The following FHIP2B variants were observed in gnomAD, a reference collection of about 807,000 sequenced individuals.
FHIP2B encodes the protein FHF complex subunit HOOK interacting protein 2B, also known as FHF complex subunit HOOK-interacting protein 2B.
A neutral mutation model predicts 84.0 loss-of-function variants in FHIP2B; 72 were observed. The observed-to-expected ratio is 0.86, with a 90% CI of 0.71 to 1.04. FHIP2B has a LOEUF of 1.04. FHIP2B is among the 50% of genes least tolerant of loss of function. The probability of loss-of-function intolerance (pLI) is 0.00; values close to 1 mark genes in which losing one functional copy is unlikely to be tolerated. For missense variants in FHIP2B, 972 were observed against 968.9 expected (o/e 1.00, Z -0.04); for synonymous variants, 497 against 418.7 (o/e 1.19, Z -2.28).
At chr8:22,089,875 G>T (rs1367280111) in intron 1 of FHIP2B, 2 of 1,260,316 alleles carry the variant, frequency 1.6e-6, no homozygotes, top group Admixed American at 4.6e-5. Flanking sequence ...GGGGCAGGCT[G>T]GTGGGCCCCC....
intron 4 of FHIP2B, 43 bp from the exon 5 acceptor site, chr8:22,097,672 CCT>C: frequency 6.2e-7 from 1 of 1,608,022 alleles, no homozygotes; most frequent in Non-Finnish European, 8.5e-7. Flanking sequence ...CCCTCTCTCC[CCT>C]GCCACCCCTC....
At position 22,101,404 on chromosome 8, in the gene FHIP2B, G is replaced by T. The variant is rs1045292674; in HGVS notation, c.1617-36G>T. 2.6e-6 allele frequency: 4 copies of T among 1,531,976 alleles called. No individual in the cohort carries two copies. In the Admixed American group the frequency reaches 5.6e-5, roughly 21 times the overall value. The allele number at this position is 1,531,976 out of a possible 1,614,324, so 94.9% of individuals were successfully genotyped here. ...CCACAAGCAGGGGAGAGCAGGGTGA[G>T]CCGGGAGCGCCTCCACACCGGCTTC... On this transcript the variant is annotated intron_variant, in intron 12 of 16. Transcript: ENST00000289921.
intron 3 of FHIP2B, among the ~76,000 whole-genome samples, chr8:22,097,210 A>G (rs762557701): frequency 1.2e-4 from 19 of 152,014 alleles, no homozygotes; most frequent in Non-Finnish European, 5.9e-5. Context: ...CAGGCCTGTG[A>G]GAACGGGCCC....
chr8:22,102,811 C>A lies in FHIP2B; in HGVS notation c.2112C>A (p.Leu704=). 2 of 1,613,560 alleles carry A rather than the reference C, an allele frequency of 1.2e-6. No homozygotes were observed. The highest frequency in any genetic ancestry group is 2.2e-5 in the South Asian group (2 of 91,086). The change falls in exon 17 of 17, where the codon CTC becomes CTA. Residue 704 remains leucine, a synonymous_variant. Coordinates refer to ENST00000289921, the MANE Select transcript of FHIP2B (RefSeq NM_022749.7). The part of the protein sequence containing the change: ...APGEQLDHQT[L]LQGVVVLEEF... ...CCCTCAGGCTGGACCACCAGACCCT[C>A]CTCCAGGGCGTGGTGGTGCTGGAGG...
At position 22,097,518 on chromosome 8, in the gene FHIP2B, C is replaced by G; in HGVS notation, c.300C>G (p.Tyr100Ter). The change falls in exon 4 of 17, where the codon TAC (tyrosine) becomes TAG (stop). Residue 100 changes from tyrosine to a stop codon, truncating the protein, a stop_gained and splice_region_variant. Transcript: ENST00000289921. LOFTEE classifies it high-confidence loss of function. ...AGGCGCTCTGTCCCTGGCCTCAGTA[C>G]CCCCCAGGCATGCGGCAGCAGGTGT... ...ETLCTLGKAE[Y>*]PPGMRQQVFQ... 1 of 1,602,082 alleles carries G rather than the reference C, an allele frequency of 6.2e-7. No individual in the cohort carries two copies. Among genetic ancestry groups the G allele is most frequent in the East Asian group, 2.3e-5 (1 of 44,252 alleles).
Position 22,100,985 on chromosome 8 carries a change from T to A in FHIP2B, c.1616+13T>A. ...AGATCGTCAACAGGTGGGGAGCAAG[T>A]TAGGCAGTCTGAACCACTTGAGTTT... On this transcript the variant is annotated intron_variant, in intron 12 of 16. Transcript: ENST00000289921. The A allele has an allele frequency of 6.2e-7, 1 of 1,613,238 alleles. No individual in the cohort carries two copies.
At chr8:22,098,894 A>C in intron 7 of FHIP2B, 54 bp from the exon 8 acceptor site, 1 of 1,425,754 alleles carries the variant, frequency 7.0e-7, no homozygotes, top group Non-Finnish European at 9.7e-7. Flanking sequence ...ACATTGAGGA[A>C]GACCTTGAAG....
chr8:22,091,432 T>C (rs776842395), intron 1 of FHIP2B, among the ~76,000 whole-genome samples: 2 of 152,036 alleles, frequency 1.3e-5, no homozygotes, highest in Admixed American at 1.3e-4. Flanking sequence ...TTAGTAGAGA[T>C]GAGGTTTCGC....
chr8:22,100,659 C>A lies in FHIP2B; in HGVS notation c.1407C>A (p.His469Gln). 1 of 1,605,512 alleles carries A rather than the reference C, an allele frequency of 6.2e-7. No homozygotes were observed. The highest frequency in any genetic ancestry group is 8.5e-7 in the Non-Finnish European group (1 of 1,175,270). Residue 469 changes from histidine (H) to glutamine (Q), a missense_variant, in exon 11 of 17, where the codon CAC (histidine) becomes CAA (glutamine). His to Gln is a conservative substitution (Grantham distance 24). Transcript: ENST00000289921. ...LLQKPHEGII[H>Q]SLVLRNLEGR... is the part of the protein sequence containing the mutation. ...AGAAGCCCCACGAGGGGATCATCCA[C>A]AGCCTGGTCCTGCGCAACCTTGAGG...
intron 3 of FHIP2B, chr8:22,097,089 C>T: frequency 4.8e-6 from 1 of 206,470 alleles, no homozygotes; most frequent in Non-Finnish European, 9.8e-6. Context: ...GTGGGAGAGG[C>T]AGGACCATCC....
intron 5 of FHIP2B, 58 bp from the exon 6 acceptor site, chr8:22,098,010 T>C: frequency 2.0e-6 from 3 of 1,534,916 alleles, no homozygotes; most frequent in Non-Finnish European, 2.6e-6. Flanking sequence ...GCGGTCCCAG[T>C]GGGGGACCCT....
In FHIP2B at chr8:22,100,752, G is replaced by A. The variant is rs541647156; in HGVS notation, c.1487+13G>A. On this transcript the variant is annotated intron_variant, in intron 11 of 16. Transcript: ENST00000289921. ...ATGAGGACACCCTGTAAGTGAAACC[G>A]GCGCCCTTTGGACTCAGCCCAGCCC... 1.8e-5 allele frequency: 29 copies of A among 1,604,598 alleles called. No individual in the cohort carries two copies. In the African/African-American group the frequency reaches 2.7e-4, roughly 15 times the overall value.
In FHIP2B at chr8:22,094,483, G is replaced by A. The variant is rs1825659917; in HGVS notation, c.89G>A (p.Trp30Ter). 8 of 1,611,848 alleles carry A rather than the reference G, an allele frequency of 5.0e-6. No individual in the cohort carries two copies. The highest frequency in any genetic ancestry group is 6.8e-6 in the Non-Finnish European group (8 of 1,179,068). ...IDLLQAFVEH[W>*]KGITHYYIES... ...CTGCTGCAGGCCTTCGTGGAGCACT[G>A]GAAGGGCATCACGCACTACTACATC... The change falls in exon 2 of 17, where the codon TGG becomes TAG. Residue 30 changes from tryptophan (W) to a stop codon, truncating the protein, a stop_gained. Coordinates refer to ENST00000289921, the MANE Select transcript of FHIP2B (RefSeq NM_022749.7). LOFTEE classifies it high-confidence loss of function.
At chr8:22,097,259 C>T (rs941338552) in intron 3 of FHIP2B, among the ~76,000 whole-genome samples, 2 of 152,134 alleles carry the variant, frequency 1.3e-5, no homozygotes, top group East Asian at 1.9e-4. Flanking sequence ...GCCTGGGGCT[C>T]TCTGGGGGTG....
intron 12 of FHIP2B, 161 bp downstream of exon 12, chr8:22,101,133 G>T: frequency 1.1e-6 from 1 of 909,102 alleles, no homozygotes; most frequent in Middle Eastern, 3.3e-4. Flanking sequence ...AGCGATTCCT[G>T]TGCCTCAGCC....
At position 22,098,521 on chromosome 8, in the gene FHIP2B, C is replaced by T. The variant is rs758214577; in HGVS notation, c.867C>T (p.Cys289=). The change falls in exon 7 of 17, where the codon TGC becomes TGT. Residue 289 remains cysteine, a synonymous_variant. Coordinates refer to ENST00000289921, the MANE Select transcript of FHIP2B (RefSeq NM_022749.7). ...CCTACCTGGTACAGAGCAGCGCCTG[C>T]TGCCCTGCGATCGTCCGGCACCTTT... The part of the protein sequence containing the change: ...AATYLVQSSA[C]CPAIVRHLCQ... 6.2e-7 allele frequency: 1 copy of T among 1,613,292 alleles called. No individual in the cohort carries two copies. The highest frequency in any genetic ancestry group is 8.5e-7 in the Non-Finnish European group (1 of 1,179,770).
In FHIP2B at chr8:22,104,699, A is replaced by G. The variant is rs1012479583; in HGVS notation, c.*1768A>G. The G allele has an allele frequency of 1.4e-4, 21 of 152,100 alleles. No homozygotes were observed. Among genetic ancestry groups the G allele is most frequent in the African/African-American group, 4.8e-4 (20 of 41,400 alleles). The allele number at this position is 152,100 out of a possible 1,614,324, so 9.4% of individuals were successfully genotyped here. A position where few individuals can be genotyped will look rare whatever the true frequency, so the allele number is the denominator to read the frequency against. ...GTGCAAGTCTCATTTGGGTGTGTTT[A>G]TGCTGCGTGTTGTATGCCTGTTTTA... On this transcript the variant is annotated 3_prime_UTR_variant, in exon 17 of 17. Transcript: ENST00000289921.
At position 22,099,896 on chromosome 8, in the gene FHIP2B, A is replaced by G; in HGVS notation, c.1341+3A>G. On this transcript the variant is annotated splice_donor_region_variant and intron_variant, in intron 10 of 16. Transcript: ENST00000289921. ...ATTGTGACCACCTCTCTGATGAGGTACAGTGGGGGACCTCCATCTCTGTTC... is the reference window on the plus strand; with the variant it reads ...ATTGTGACCACCTCTCTGATGAGGTGCAGTGGGGGACCTCCATCTCTGTTC... The G allele has an allele frequency of 6.2e-7, 1 of 1,601,788 alleles. No individual in the cohort carries two copies. The highest frequency in any genetic ancestry group is 1.1e-5 in the South Asian group (1 of 88,786).
intron 2 of FHIP2B, 53 bp from the exon 3 acceptor site, chr8:22,096,284 A>C: frequency 6.9e-7 from 1 of 1,450,512 alleles, no homozygotes; most frequent in Non-Finnish European, 9.2e-7. Flanking sequence ...GAAGTTTTCA[A>C]GCCGGGGTGC....
Sources: gnomAD v4.1 joint callset for allele counts (sites outside exome capture counted in the v4.1 genomes callset) on GRCh38, gnomAD v4.1.1 for gene constraint, MANE v1.5 for transcripts, NCBI Gene and HGNC (gene_info 2026-07-23, HGNC 2026-07-21) for gene names.